SNTG2: variants seen among roughly 807,000 people sequenced by gnomAD.
SNTG2 encodes the protein syntrophin gamma 2.
A neutral mutation model predicts 70.9 loss-of-function variants in SNTG2; 74 were observed. The ratio of observed to expected loss-of-function variants is 1.04; its 90% CI spans 0.86 to 1.27. The LOEUF is 1.27. SNTG2 is among the 50% of genes most tolerant of loss of function. SNTG2 has a pLI of 0.00. For synonymous variants in SNTG2, 278 were observed against 273.8 expected (o/e 1.02, Z -0.15); for missense variants, 717 against 690.7 (o/e 1.04, Z -0.43).
intron 4 of SNTG2, among the ~76,000 whole-genome samples, chr2:1,120,136 C>A (rs751681325): frequency 6.2e-4 from 95 of 152,074 alleles, no homozygotes; most frequent in Non-Finnish European, 9.6e-4. Context: ...ATTGATCATT[C>A]TTTCTCTATC....
intron 1 of SNTG2, among the ~76,000 whole-genome samples, chr2:1,011,926 G>A (rs1041173270): frequency 6.6e-6 from 1 of 152,104 alleles, no homozygotes; most frequent in African/African-American, 2.4e-5. Context: ...TTGTATATAG[G>A]CATGCATTTC....
intron 16 of SNTG2, among the ~76,000 whole-genome samples, chr2:1,330,447 G>A (rs1045302086): frequency 2.0e-5 from 3 of 152,068 alleles, no homozygotes; most frequent in African/African-American, 7.2e-5. Flanking sequence ...ACATTTCCCA[G>A]GGACTGGGAA....
intron 6 of SNTG2, among the ~76,000 whole-genome samples, chr2:1,162,028 G>T (rs112630189): frequency 7.3e-4 from 106 of 145,080 alleles, no homozygotes; most frequent in Non-Finnish European, 1.1e-3. Flanking sequence ...GGGCCCAGAT[G>T]GCGCCACTGC....
chr2:1,356,125 T>C (rs1251161204), intron 16 of SNTG2, among the ~76,000 whole-genome samples: 1 of 152,232 alleles, frequency 6.6e-6, no homozygotes, highest in Non-Finnish European at 1.5e-5. Context: ...TATTTTCTCC[T>C]GTACCATAGG....
At chr2:1,312,563 A>T (rs1681054997) in intron 15 of SNTG2, among the ~76,000 whole-genome samples, 1 of 152,204 alleles carries the variant, frequency 6.6e-6, no homozygotes, top group Non-Finnish European at 1.5e-5. Flanking sequence ...GCCTGGCCAT[A>T]CGTGTAGGAC....
At chr2:1,335,381 G>A (rs969200234) in intron 16 of SNTG2, among the ~76,000 whole-genome samples, 4 of 152,174 alleles carry the variant, frequency 2.6e-5, no homozygotes, top group Admixed American at 2.0e-4. Context: ...AGCCAACCAC[G>A]CTGCCTGCTG....
intron 1 of SNTG2, among the ~76,000 whole-genome samples, chr2:962,081 A>G (rs1407122427): frequency 1.3e-5 from 2 of 152,182 alleles, no homozygotes; most frequent in Non-Finnish European, 2.9e-5. Flanking sequence ...AACCTAAGAT[A>G]CATTTCTTAT....
chr2:1,289,866 C>T (rs979095920), intron 14 of SNTG2, among the ~76,000 whole-genome samples: 2 of 152,176 alleles, frequency 1.3e-5, no homozygotes, highest in African/African-American at 4.8e-5. Flanking sequence ...GCAGATATTT[C>T]GTATGAGCAG....
chr2:1,149,910 A>G (rs67116051), intron 6 of SNTG2, among the ~76,000 whole-genome samples: 141,898 of 151,502 alleles, frequency 0.94, 66,579 homozygotes, highest in Non-Finnish European at 0.97. Flanking sequence ...GGATGGTCTC[A>G]ATCTCCTGAC....
rs77039738 is a variant in SNTG2, at chr2:1,095,262, A to T, written c.211-2934A>T. On this transcript the variant is annotated intron_variant, in intron 2 of 16. Transcript: ENST00000308624. ...TTCAACACGGATTTTAGGGGGACAC[A>T]GTCCCATTCCCAGCACTTCCTATTA... is the stretch of plus-strand genomic sequence containing the variant. Among the ~76,000 whole-genome samples the T allele has an allele frequency of 4.6e-3, 694 of 152,306 alleles. 10 individuals carry two copies. In the East Asian group the frequency reaches 0.053, roughly 12 times the overall value.
intron 8 of SNTG2, among the ~76,000 whole-genome samples, chr2:1,201,984 T>TA (rs1182320970): frequency 1.3e-5 from 2 of 152,072 alleles, no homozygotes; most frequent in East Asian, 3.9e-4. Flanking sequence ...AGCCAGATGA[T>TA]AAAAAAGCTT....
intron 1 of SNTG2, among the ~76,000 whole-genome samples, chr2:998,202 A>T (rs1572205881): frequency 6.6e-6 from 1 of 152,218 alleles, no homozygotes; most frequent in African/African-American, 2.4e-5. Context: ...GGCATAGTTT[A>T]TCTAGTTGAG....
intron 14 of SNTG2, among the ~76,000 whole-genome samples, chr2:1,278,794 G>A (rs937954323): frequency 1.3e-5 from 2 of 152,122 alleles, no homozygotes; most frequent in South Asian, 2.1e-4. Flanking sequence ...TCAGTTACCC[G>A]TGGTCAAACG....
chr2:1,181,027 T>G (rs902446325), intron 8 of SNTG2, among the ~76,000 whole-genome samples: 2 of 151,158 alleles, frequency 1.3e-5, no homozygotes, highest in Non-Finnish European at 1.5e-5. Context: ...TGAGAACACA[T>G]GGACACAGGA....
At chr2:1,168,709 G>A (rs1011938937) in intron 7 of SNTG2, among the ~76,000 whole-genome samples, 10 of 152,144 alleles carry the variant, frequency 6.6e-5, no homozygotes, top group African/African-American at 2.2e-4. Context: ...TGCCATTGTA[G>A]CAAACCTGGA....
chr2:1,137,835 T>C (rs1245337851), intron 6 of SNTG2, 26 bp downstream of exon 6: 28 of 1,578,690 alleles, frequency 1.8e-5, no homozygotes, highest in Admixed American at 3.3e-5. Context: ...TTTATAGTTA[T>C]TCTGTTTATT....
intron 4 of SNTG2, among the ~76,000 whole-genome samples, chr2:1,106,556 G>A (rs112103043): frequency 8.5e-3 from 1,167 of 136,988 alleles, no homozygotes; most frequent in South Asian, 0.041. Flanking sequence ...GCTGTCACTC[G>A]GGTGCAGGGT....
At chr2:989,704 T>G (rs1338672984) in intron 1 of SNTG2, among the ~76,000 whole-genome samples, 1 of 152,212 alleles carries the variant, frequency 6.6e-6, no homozygotes, top group East Asian at 1.9e-4. Context: ...ATAAAACGAG[T>G]TGGAACATGT....
intron 6 of SNTG2, among the ~76,000 whole-genome samples, chr2:1,156,567 C>G (rs980241721): frequency 1.3e-5 from 2 of 152,160 alleles, no homozygotes; most frequent in Admixed American, 1.3e-4. Context: ...CAGCACTTAA[C>G]GTTTTTCTCC....
Sources: gnomAD v4.1 joint callset for allele counts (sites outside exome capture counted in the v4.1 genomes callset) on GRCh38, gnomAD v4.1.1 for gene constraint, MANE v1.5 for transcripts, NCBI Gene and HGNC (gene_info 2026-07-23, HGNC 2026-07-21) for gene names.